The following SDK1 variants were observed in gnomAD, a reference collection of about 807,000 sequenced individuals.
SDK1 encodes the protein sidekick cell adhesion molecule 1, also known as protein sidekick-1.
A neutral mutation model predicts 245.5 loss-of-function variants in SDK1; 157 were observed. That is an observed-to-expected ratio of 0.64 (90% CI 0.56 to 0.73). The LOEUF (loss-of-function observed/expected upper bound fraction) is 0.73. Ranked by LOEUF, SDK1 falls within the 30% of genes least tolerant of loss-of-function variation. SDK1 has a pLI of 0.00. For synonymous variants in SDK1, 1,647 were observed against 1,278.5 expected (o/e 1.29, Z -6.15); for missense variants, 3,583 against 3,002.3 (o/e 1.19, Z -4.52).
intron 5 of SDK1, among the ~76,000 whole-genome samples, chr7:3,857,970 A>C (rs925238882): frequency 6.6e-6 from 1 of 152,228 alleles, no homozygotes; most frequent in Admixed American, 6.5e-5. Flanking sequence ...TATACCATAT[A>C]CATGGATGGA....
At chr7:3,661,357 A>C (rs1264759506) in intron 4 of SDK1, among the ~76,000 whole-genome samples, 1 of 152,238 alleles carries the variant, frequency 6.6e-6, no homozygotes, top group Non-Finnish European at 1.5e-5. Flanking sequence ...CATGCAAAAC[A>C]GTACTTGTGC....
At position 4,268,446 on chromosome 7, in the gene SDK1, G is replaced by C. The variant is rs1357223154; in HGVS notation, c.*3062G>C. 1 of 1,128,954 alleles carries C rather than the reference G, an allele frequency of 8.9e-7. No homozygotes were observed. The highest frequency in any genetic ancestry group is 4.1e-5 in the Admixed American group (1 of 24,192). The allele number at this position is 1,128,954 out of a possible 1,614,324, so 69.9% of individuals were successfully genotyped here. ...TCGCCTTCAGCCTCTCTCCCAGCCT[G>C]CTTTTATAAGGCGCACTTCACTCAA... is the stretch of plus-strand genomic sequence containing the variant. On this transcript the variant is annotated 3_prime_UTR_variant, in exon 45 of 45. Transcript: ENST00000404826.
chr7:3,580,058 T>G (rs182328282), intron 1 of SDK1, among the ~76,000 whole-genome samples: 1 of 152,144 alleles, frequency 6.6e-6, no homozygotes, highest in Non-Finnish European at 1.5e-5. Flanking sequence ...ACAAACATAA[T>G]GTAATACCTA....
chr7:3,674,339 C>T (rs1783821304), intron 4 of SDK1, among the ~76,000 whole-genome samples: 2 of 152,086 alleles, frequency 1.3e-5, no homozygotes, highest in African/African-American at 2.4e-5. Flanking sequence ...ATCTACCCCA[C>T]GTCCAAGTCC....
chr7:3,890,391 T>G (rs985454667), intron 5 of SDK1, among the ~76,000 whole-genome samples: 2 of 152,256 alleles, frequency 1.3e-5, no homozygotes, highest in Non-Finnish European at 2.9e-5. Context: ...GTTTTTATGT[T>G]GATTGCATGT....
At chr7:3,876,288 C>A (rs1359762003) in intron 5 of SDK1, among the ~76,000 whole-genome samples, 1 of 152,186 alleles carries the variant, frequency 6.6e-6, no homozygotes, top group Non-Finnish European at 1.5e-5. Flanking sequence ...GCATTTTCCC[C>A]AGTCTTCTTT....
chr7:3,698,509 T>C (rs1784640497), intron 4 of SDK1, among the ~76,000 whole-genome samples: 2 of 152,198 alleles, frequency 1.3e-5, no homozygotes, highest in South Asian at 4.2e-4. Context: ...CCCTCCTCAC[T>C]CAGAGCGTCA....
At chr7:4,056,989 T>C (rs1779244941) in intron 19 of SDK1, among the ~76,000 whole-genome samples, 1 of 152,056 alleles carries the variant, frequency 6.6e-6, no homozygotes, top group South Asian at 2.1e-4. Context: ...GCACAAACCA[T>C]TGGCAGTGAC....
intron 4 of SDK1, among the ~76,000 whole-genome samples, chr7:3,720,511 A>G (rs1785336351): frequency 6.6e-6 from 1 of 152,238 alleles, no homozygotes; most frequent in South Asian, 2.1e-4. Flanking sequence ...GAAAATATAA[A>G]CTGAAACCAC....
rs551942351 is a variant in SDK1 at position 3,851,173 on chromosome 7, A to G, written c.847+29590A>G. On this transcript the variant is annotated intron_variant, in intron 5 of 44. Coordinates refer to ENST00000404826, the MANE Select transcript of SDK1 (RefSeq NM_152744.4). ...TTGGAGTGAAAATTATCATTTTATT[A>G]AAATTCACTTAAAGCTTGTTGAAAG... 2.6e-5 allele frequency among the ~76,000 whole-genome samples: 4 copies of G among 152,324 alleles called. No homozygotes were observed. In the South Asian group the frequency reaches 8.3e-4, roughly 32 times the overall value.
At chr7:3,996,786 T>C (rs1784722891) in intron 14 of SDK1, among the ~76,000 whole-genome samples, 1 of 152,274 alleles carries the variant, frequency 6.6e-6, no homozygotes, top group Non-Finnish European at 1.5e-5. Flanking sequence ...CTTTTCCAAA[T>C]AATACAAATG....
At chr7:3,960,208 CT>C (rs1433991597) in intron 8 of SDK1, among the ~76,000 whole-genome samples, 1 of 152,216 alleles carries the variant, frequency 6.6e-6, no homozygotes, top group Admixed American at 6.5e-5. Context: ...GCCAAAGGCA[CT>C]GGGCCACTCA....
At chr7:3,437,489 C>T (rs1174250251) in intron 1 of SDK1, among the ~76,000 whole-genome samples, 1 of 152,070 alleles carries the variant, frequency 6.6e-6, no homozygotes, top group East Asian at 1.9e-4. Context: ...TACGTGTGAT[C>T]GGCTGGGTGC....
chr7:3,972,579 C>T (rs1583683233), intron 12 of SDK1, among the ~76,000 whole-genome samples: 2 of 152,168 alleles, frequency 1.3e-5, no homozygotes, highest in South Asian at 4.1e-4. Context: ...AGGAAATATC[C>T]AGTCATCAGA....
At chr7:4,252,493 T>C (rs1360340928) in intron 44 of SDK1, among the ~76,000 whole-genome samples, 1 of 152,180 alleles carries the variant, frequency 6.6e-6, no homozygotes, top group Non-Finnish European at 1.5e-5. Flanking sequence ...GTCTTTGCTA[T>C]TGTAAATAGT....
At chr7:3,629,395 A>G (rs1583246323) in intron 2 of SDK1, among the ~76,000 whole-genome samples, 1 of 152,290 alleles carries the variant, frequency 6.6e-6, no homozygotes, top group Non-Finnish European at 1.5e-5. Flanking sequence ...AATATTTGGC[A>G]GAATATTCGT....
rs1783720661 is a variant in SDK1 at position 4,116,512 on chromosome 7, G to A, written c.3823+2238G>A. 2.0e-5 allele frequency among the ~76,000 whole-genome samples: 3 copies of A among 152,284 alleles called. No homozygotes were observed. In the South Asian group the frequency reaches 6.2e-4, roughly 32 times the overall value. On this transcript the variant is annotated intron_variant, in intron 25 of 44. Coordinates refer to ENST00000404826, the MANE Select transcript of SDK1 (RefSeq NM_152744.4). ...TCATCCTTTCTTGCTCATTCCCCGGGTCCCGTTGGTGACAGGTCTGAACCT... is the reference window on the plus strand; with the variant it reads ...TCATCCTTTCTTGCTCATTCCCCGGATCCCGTTGGTGACAGGTCTGAACCT...
At chr7:4,161,997 A>T (rs1781166236) in intron 32 of SDK1, 141 bp downstream of exon 32, 2 of 653,694 alleles carry the variant, frequency 3.1e-6, no homozygotes, top group Non-Finnish European at 2.7e-6. Context: ...ACACCCTCAG[A>T]CTCAAAAACG....
rs1781862342 is a variant in SDK1, at chr7:3,619,254, G to A, written c.458+15G>A. ...AGCGAATATAAGTAATTGATCGCTT[G>A]AAAAAATAAGATCCCATTTCAGTTG... On this transcript the variant is annotated intron_variant, in intron 2 of 44. Coordinates refer to ENST00000404826, the MANE Select transcript of SDK1 (RefSeq NM_152744.4). 1.3e-6 allele frequency: 2 copies of A among 1,587,572 alleles called. No homozygotes were observed. Among genetic ancestry groups the A allele is most frequent in the African/African-American group, 2.7e-5 (2 of 74,414 alleles).
Sources: gnomAD v4.1 joint callset for allele counts (sites outside exome capture counted in the v4.1 genomes callset) on GRCh38, gnomAD v4.1.1 for gene constraint, MANE v1.5 for transcripts, NCBI Gene and HGNC (gene_info 2026-07-23, HGNC 2026-07-21) for gene names.